SPATA13: variants seen among roughly 807,000 people sequenced by gnomAD.
The protein encoded by SPATA13 is spermatogenesis associated 13, also known as spermatogenesis-associated protein 13.
SPATA13 carries 50 observed loss-of-function variants against 104.0 expected under a neutral mutation model. The observed-to-expected ratio is 0.48, with a 90% CI of 0.38 to 0.61. The LOEUF (loss-of-function observed/expected upper bound fraction) is 0.61, where lower values mean the gene tolerates loss of function less well. Among genes scored for constraint, SPATA13 ranks in the 20% least tolerant of loss-of-function variants. SPATA13 has a pLI of 0.00. For missense variants in SPATA13, 1,524 were observed against 1,690.6 expected (o/e 0.90, Z 1.73); for synonymous variants, 606 against 667.5 (o/e 0.91, Z 1.42).
upstream of SPATA13, among the ~76,000 whole-genome samples, chr13:24,156,110 C>A (rs1882250024): frequency 6.6e-6 from 1 of 152,098 alleles, no homozygotes; most frequent in Non-Finnish European, 1.5e-5. Context: ...TTGCTGTCAC[C>A]TTGTGGCTGT....
At chr13:24,090,042 C>A (rs1879862104) in intron 3 of SPATA13, among the ~76,000 whole-genome samples, 2 of 152,210 alleles carry the variant, frequency 1.3e-5, no homozygotes, top group South Asian at 4.1e-4. Flanking sequence ...CCCCTGAATA[C>A]CATATCAAGT....
At chr13:23,980,699 C>T (rs1246924534) in intron 1 of SPATA13, among the ~76,000 whole-genome samples, 1 of 152,136 alleles carries the variant, frequency 6.6e-6, no homozygotes, top group African/African-American at 2.4e-5. Flanking sequence ...TCAAGCGATT[C>T]TCCTGCCTCA....
intron 1 of SPATA13, among the ~76,000 whole-genome samples, chr13:24,180,066 T>G (rs1042760698): frequency 3.3e-5 from 5 of 152,214 alleles, no homozygotes; most frequent in African/African-American, 4.8e-5. Flanking sequence ...GTGTTGTATT[T>G]GAGAAACTAT....
chr13:24,043,344 C>T (rs1878004064), intron 3 of SPATA13, among the ~76,000 whole-genome samples: 1 of 152,136 alleles, frequency 6.6e-6, no homozygotes, highest in African/African-American at 2.4e-5. Flanking sequence ...AACACCACGT[C>T]CACTTCTCCC....
chr13:24,230,824 C>T (rs1232160806), intron 2 of SPATA13, among the ~76,000 whole-genome samples: 2 of 152,054 alleles, frequency 1.3e-5, no homozygotes, highest in African/African-American at 4.8e-5. Context: ...TTAGGAAGGG[C>T]CTCGCTTACA....
chr13:24,233,416 A>G (rs1284380158), intron 2 of SPATA13, among the ~76,000 whole-genome samples: 1 of 152,164 alleles, frequency 6.6e-6, no homozygotes, highest in Non-Finnish European at 1.5e-5. Context: ...GAAGAGAATT[A>G]ATGTGCCTTC....
Position 24,223,355 on chromosome 13 carries a change from T to C in SPATA13, c.426T>C (p.His142=). ...GTTCAAAGGGAGAGGCTTCGGAGCA[T>C]GGCCTGGGAAAGTCCATCCCAAATG... The part of the protein sequence containing the change: ...NACSKGEASE[H]GLGKSIPNGA... Residue 142 remains histidine, a synonymous_variant, in exon 2 of 13, where the codon CAT becomes CAC. Transcript: ENST00000382108. The C allele has an allele frequency of 6.4e-7, 1 of 1,551,344 alleles. No homozygotes were observed. The highest frequency in any genetic ancestry group is 8.7e-7 in the Non-Finnish European group (1 of 1,146,980).
intron 3 of SPATA13, among the ~76,000 whole-genome samples, chr13:24,070,161 G>T (rs965643172): frequency 1.3e-5 from 2 of 152,196 alleles, no homozygotes; most frequent in Non-Finnish European, 2.9e-5. Flanking sequence ...GGACTAAAAC[G>T]GTTCCAGTGT....
chr13:23,985,901 GAC>G (rs1231247008), intron 2 of SPATA13, among the ~76,000 whole-genome samples: 3 of 152,162 alleles, frequency 2.0e-5, no homozygotes, highest in African/African-American at 4.8e-5. Flanking sequence ...TGGGAGAAGA[GAC>G]ACACAGGGAC....
intron 1 of SPATA13, among the ~76,000 whole-genome samples, chr13:24,193,955 CTA>C (rs1447602730): frequency 6.6e-6 from 1 of 152,082 alleles, no homozygotes; most frequent in Non-Finnish European, 1.5e-5. Flanking sequence ...GCTTTGAGGA[CTA>C]TAGAGACACA....
At position 24,051,278 on chromosome 13, in the gene SPATA13, G is replaced by A. The variant is rs140126467; in HGVS notation, c.-112+33577G>A. 5.3e-5 allele frequency among the ~76,000 whole-genome samples: 8 copies of A among 152,314 alleles called. No homozygotes were observed. Among genetic ancestry groups the A allele is most frequent in the Non-Finnish European group, 1.0e-4 (7 of 68,042 alleles). On this transcript the variant is annotated intron_variant, in intron 3 of 14. Coordinates refer to the SPATA13 transcript ENST00000424834. This position sits in a 1 kb window ranked among gnomAD's most constrained non-coding sequence, Gnocchi z 4.2. ...GCAGGAAGTGATTTCCAATCACGTTGGACATGCTGTGCCTGCAGCCGGCAG... is the reference window on the plus strand; with the variant it reads ...GCAGGAAGTGATTTCCAATCACGTTAGACATGCTGTGCCTGCAGCCGGCAG...
At chr13:24,244,572 C>T (rs914560926) in intron 2 of SPATA13, among the ~76,000 whole-genome samples, 1 of 152,298 alleles carries the variant, frequency 6.6e-6, no homozygotes, top group East Asian at 1.9e-4. Context: ...AAAATGTATG[C>T]GGAGTGGCCA....
At position 24,287,031 on chromosome 13, in the gene SPATA13, C is replaced by T. The variant is rs1876005919; in HGVS notation, c.2667+81C>T. On this transcript the variant is annotated intron_variant, in intron 7 of 12. Coordinates refer to ENST00000382108, the MANE Select transcript of SPATA13 (RefSeq NM_001166271.3). ...GCCTGGGCTTTCTCCCCACCTCCAC[C>T]CCCCGCCCCCCCATCAGGCTCCCAC... 8 of 1,220,236 alleles carry T rather than the reference C, an allele frequency of 6.6e-6. No homozygotes were observed. In the South Asian group the frequency reaches 8.7e-5, roughly 13 times the overall value. The allele number at this position is 1,220,236 out of a possible 1,614,324, so 75.6% of individuals were successfully genotyped here.
At chr13:24,152,084 G>T (rs546330498) in intron 3 of SPATA13, among the ~76,000 whole-genome samples, 1 of 152,184 alleles carries the variant, frequency 6.6e-6, no homozygotes, top group South Asian at 2.1e-4. Context: ...GTCTGTTCAG[G>T]CTGCTGTAAC....
At position 23,980,404 on chromosome 13, in the gene SPATA13, C is replaced by A. The variant is rs538735104; in HGVS notation, c.-354+480C>A. On this transcript the variant is annotated intron_variant, in intron 1 of 14. Transcript: ENST00000424834. ...GGTGCTCAGCGTCACTGCGTGAGCCCCCACTCTGATGCTTCGTTGGTGTGT... is the reference window on the plus strand; with the variant it reads ...GGTGCTCAGCGTCACTGCGTGAGCCACCACTCTGATGCTTCGTTGGTGTGT... Among the ~76,000 whole-genome samples the A allele has an allele frequency of 3.3e-5, 5 of 152,314 alleles. No homozygotes were observed. In the South Asian group the frequency reaches 1.0e-3, roughly 32 times the overall value.
intron 1 of SPATA13, among the ~76,000 whole-genome samples, chr13:24,193,212 G>T (rs536767252): frequency 3.9e-5 from 6 of 152,262 alleles, no homozygotes; most frequent in Non-Finnish European, 7.3e-5. Flanking sequence ...TGAGTACACT[G>T]AGGGGGAAGT....
At chr13:24,260,404 G>C (rs1397444544) in intron 4 of SPATA13, among the ~76,000 whole-genome samples, 2 of 152,218 alleles carry the variant, frequency 1.3e-5, no homozygotes, top group Non-Finnish European at 2.9e-5. Flanking sequence ...AGTGTGGCCT[G>C]CGCTTGCCTT....
intron 3 of SPATA13, among the ~76,000 whole-genome samples, chr13:24,137,517 T>A (rs1593353721): frequency 2.0e-5 from 3 of 152,168 alleles, no homozygotes; most frequent in Non-Finnish European, 4.4e-5. Flanking sequence ...TCCAGCACTT[T>A]GGGAGGCTGA....
intron 3 of SPATA13, among the ~76,000 whole-genome samples, chr13:24,052,848 T>TCCCCCCCCCCCCCCCCCCCCCCCCC (rs1878403637): frequency 6.9e-5 from 1 of 14,452 alleles, no homozygotes; most frequent in Non-Finnish European, 1.2e-4. Context: ...CCCGCCACTG[T>TCCCCCCCCCCCCCCCCCCCCCCCCC]GCCCTGCCCA....
Sources: allele counts gnomAD v4.1 joint callset (sites outside exome capture counted in the v4.1 genomes callset), GRCh38; gene constraint gnomAD v4.1.1; non-coding constraint Gnocchi (gnomAD v3.1); transcripts MANE v1.5; gene names NCBI Gene and HGNC (gene_info 2026-07-23, HGNC 2026-07-21).